DNAH5: variants seen among roughly 807,000 people sequenced by gnomAD.
DNAH5 encodes axonemal beta dynein heavy chain 5.
Under a neutral mutation model 518.2 loss-of-function variants are expected in DNAH5, and 372 were observed. The ratio of observed to expected loss-of-function variants is 0.72; its 90% CI spans 0.66 to 0.78. The LOEUF is 0.78. Among genes scored for constraint, DNAH5 ranks in the 30% least tolerant of loss-of-function variants. The pLI is 0.00. For synonymous variants in DNAH5, 2,039 were observed against 2,025.9 expected (o/e 1.01, Z -0.17); for missense variants, 5,523 against 5,687.0 (o/e 0.97, Z 0.93).
At chr5:13,985,430 A>ATATATATATATAT (rs1782977078) in intron 1 of DNAH5, among the ~76,000 whole-genome samples, 5 of 127,344 alleles carry the variant, frequency 3.9e-5, no homozygotes, top group Non-Finnish European at 1.7e-5. Flanking sequence ...AGTATAATAA[A>ATATATATATATAT]ATATATATAT....
chr5:13,750,900 A>G (rs1352061716), intron 65 of DNAH5, among the ~76,000 whole-genome samples, 178 bp downstream of exon 65: 1 of 152,206 alleles, frequency 6.6e-6, no homozygotes, highest in Non-Finnish European at 1.5e-5. Context: ...ATATGAGTAG[A>G]TGACTGGTTA....
chr5:13,853,991 G>A (rs993803355), intron 30 of DNAH5, among the ~76,000 whole-genome samples: 8 of 152,102 alleles, frequency 5.3e-5, no homozygotes, highest in Non-Finnish European at 8.8e-5. Flanking sequence ...AAGCAAGACA[G>A]GCCAACATTC....
At chr5:13,869,343 T>G (rs1230965163) in intron 24 of DNAH5, among the ~76,000 whole-genome samples, 1 of 151,802 alleles carries the variant, frequency 6.6e-6, no homozygotes, top group Non-Finnish European at 1.5e-5. Flanking sequence ...AATGCTACAA[T>G]TAAACTAGTC....
intron 10 of DNAH5, 97 bp from the exon 11 acceptor site, chr5:13,914,055 T>G: frequency 6.9e-7 from 1 of 1,444,406 alleles, no homozygotes; most frequent in Non-Finnish European, 9.4e-7. Flanking sequence ...GATGGAATTG[T>G]AAGCCTTTTC....
At chr5:13,920,727 C>T in intron 5 of DNAH5, 110 bp from the exon 6 acceptor site, 1 of 1,183,866 alleles carries the variant, frequency 8.4e-7, no homozygotes, top group Non-Finnish European at 1.2e-6. Flanking sequence ...GGAAAGCCCA[C>T]CAGGTAGCAC....
chr5:13,700,893 G>C (rs759477054), intron 77 of DNAH5, 22 bp from the exon 78 acceptor site: 83 of 1,609,312 alleles, frequency 5.2e-5, no homozygotes, highest in Admixed American at 1.5e-4. Context: ...AGCAAAAGAT[G>C]AATGGAGCGG....
At chr5:13,876,930 T>A in intron 21 of DNAH5, 113 bp from the exon 22 acceptor site, 2 of 1,074,208 alleles carry the variant, frequency 1.9e-6, no homozygotes, top group Non-Finnish European at 2.7e-6. Context: ...ATCTTCTCCT[T>A]TATAAAAACA....
At chr5:13,915,395 G>A (rs1458364701) in intron 9 of DNAH5, among the ~76,000 whole-genome samples, 3 of 152,022 alleles carry the variant, frequency 2.0e-5, no homozygotes, top group African/African-American at 7.2e-5. Flanking sequence ...TTAGATAAAT[G>A]GTGGTTTCAT....
chr5:13,763,412 C>T (rs748003237), intron 59 of DNAH5, among the ~76,000 whole-genome samples: 10 of 152,162 alleles, frequency 6.6e-5, no homozygotes, highest in Non-Finnish European at 1.5e-4. Flanking sequence ...ATAACTTGGA[C>T]ATTAGGCTTT....
chr5:13,803,636 C>T (rs1759110930), intron 47 of DNAH5, among the ~76,000 whole-genome samples: 1 of 152,190 alleles, frequency 6.6e-6, no homozygotes, highest in African/African-American at 2.4e-5. Context: ...TTTAAGAGAG[C>T]TTTATGATAC....
intron 59 of DNAH5, among the ~76,000 whole-genome samples, chr5:13,765,565 T>C (rs1173858510): frequency 6.6e-6 from 1 of 152,178 alleles, no homozygotes; most frequent in Non-Finnish European, 1.5e-5. Context: ...TATATACATA[T>C]GTAAATATTC....
intron 21 of DNAH5, among the ~76,000 whole-genome samples, chr5:13,882,011 T>C (rs2151937081): frequency 6.6e-6 from 1 of 152,022 alleles, no homozygotes; most frequent in East Asian, 1.9e-4. Flanking sequence ...AACCCAAAAA[T>C]ACAAATTATC....
chr5:13,746,951 C>T (rs9687653), intron 65 of DNAH5, among the ~76,000 whole-genome samples: 54,958 of 151,710 alleles, frequency 0.36, 10,289 homozygotes, highest in South Asian at 0.5. Context: ...AGGTTTGTTA[C>T]ATATGTATAC....
Position 13,864,344 on chromosome 5 carries a change from T to C in DNAH5, c.4596+53A>G. On this transcript the variant is annotated intron_variant, in intron 28 of 78. Coordinates refer to ENST00000265104, the MANE Select transcript of DNAH5 (RefSeq NM_001369.3). ...TCCAATATTCCATAATATAGAAATGTTATCAAATAAATCCCATGAGACCTT... is the reference window on the plus strand; with the variant it reads ...TCCAATATTCCATAATATAGAAATGCTATCAAATAAATCCCATGAGACCTT... 3 of 1,607,248 alleles carry C rather than the reference T, an allele frequency of 1.9e-6. 1 individual carries two copies. The highest frequency in any genetic ancestry group is 2.2e-5 in the South Asian group (2 of 90,572).
At chr5:13,692,299 C>A (rs1192175596) in intron 78 of DNAH5, among the ~76,000 whole-genome samples, 164 bp from the exon 79 acceptor site, 1 of 152,164 alleles carries the variant, frequency 6.6e-6, no homozygotes, top group Non-Finnish European at 1.5e-5. Flanking sequence ...AGATGTGAGG[C>A]AGATGCTCCC....
chr5:13,988,584 A>C (rs1383417527), intron 1 of DNAH5, among the ~76,000 whole-genome samples: 1 of 150,790 alleles, frequency 6.6e-6, no homozygotes, highest in Non-Finnish European at 1.5e-5. Flanking sequence ...TGCTTGGTTA[A>C]TTTTTATATT....
chr5:13,806,956 G>GATT (rs1420176937), intron 47 of DNAH5, among the ~76,000 whole-genome samples: 1 of 152,182 alleles, frequency 6.6e-6, no homozygotes, highest in Non-Finnish European at 1.5e-5. Context: ...CGGGGAACAA[G>GATT]ATTAAAGTGG....
chr5:13,709,735 A>G (rs1019313321), intron 75 of DNAH5, among the ~76,000 whole-genome samples: 1 of 152,152 alleles, frequency 6.6e-6, no homozygotes, highest in Admixed American at 6.5e-5. Flanking sequence ...CCCCAACTGC[A>G]GAAGTGGGAA....
intron 55 of DNAH5, 36 bp downstream of exon 55, chr5:13,776,403 C>T (rs1754093169): frequency 1.9e-6 from 3 of 1,613,116 alleles, no homozygotes; most frequent in South Asian, 1.1e-5. Context: ...TCCTTGAACA[C>T]ATGTTATGCC....
Sources: gnomAD v4.1 joint callset for allele counts (sites outside exome capture counted in the v4.1 genomes callset) on GRCh38, gnomAD v4.1.1 for gene constraint, MANE v1.5 for transcripts, NCBI Gene and HGNC (gene_info 2026-07-23, HGNC 2026-07-21) for gene names.